VSTM4: variants seen among roughly 807,000 people sequenced by gnomAD.
VSTM4 encodes V-set and transmembrane domain-containing protein 4.
A neutral mutation model predicts 36.4 loss-of-function variants in VSTM4; 20 were observed. The ratio of observed to expected loss-of-function variants is 0.55; its 90% CI spans 0.39 to 0.80. The LOEUF is 0.80. Among genes scored for constraint, VSTM4 ranks in the 30% least tolerant of loss-of-function variants. The pLI is 0.00. For missense variants in VSTM4, 392 were observed against 404.5 expected, an observed-to-expected ratio of 0.97 and a Z score of 0.26; for synonymous variants, 182 against 173.9, an observed-to-expected ratio of 1.05 and a Z score of -0.37.
intron 7 of VSTM4, among the ~76,000 whole-genome samples, chr10:49,040,575 C>T (rs1463944254): frequency 6.6e-6 from 1 of 152,196 alleles, no homozygotes; most frequent in African/African-American, 2.4e-5. Context: ...CATGAGCCAC[C>T]ATGCCTGGCC....
intron 3 of VSTM4, among the ~76,000 whole-genome samples, chr10:49,080,492 T>C (rs1439546280): frequency 1.3e-5 from 2 of 152,246 alleles, no homozygotes; most frequent in Non-Finnish European, 2.9e-5. Context: ...CTAGTTTGAA[T>C]AGATTTCTGC....
At chr10:49,046,718 T>A (rs1343582922) in intron 7 of VSTM4, among the ~76,000 whole-genome samples, 1 of 152,228 alleles carries the variant, frequency 6.6e-6, no homozygotes, top group Non-Finnish European at 1.5e-5. Flanking sequence ...TTCTATTTTA[T>A]AAATTTCTGA....
intron 2 of VSTM4, among the ~76,000 whole-genome samples, chr10:49,092,820 C>CT (rs1385496450): frequency 6.6e-6 from 1 of 152,154 alleles, no homozygotes; most frequent in East Asian, 1.9e-4. Flanking sequence ...ACGCAAGCGG[C>CT]TTGGTAGTCC....
chr10:49,096,668 T>TGTGTGTGTGTGTGTGTGTG, intron 2 of VSTM4, among the ~76,000 whole-genome samples: 39 of 147,266 alleles, frequency 2.6e-4, no homozygotes, highest in African/African-American at 9.3e-4. Flanking sequence ...TGTGTGTGTG[T>TGTGTGTGTGTGTGTGTGTG]TTTGAGACGG....
chr10:49,078,354 T>C (rs1302842808), intron 3 of VSTM4, among the ~76,000 whole-genome samples: 1 of 152,186 alleles, frequency 6.6e-6, no homozygotes, highest in African/African-American at 2.4e-5. Context: ...TGGAAAACTG[T>C]ACATGTATGT....
intron 2 of VSTM4, among the ~76,000 whole-genome samples, chr10:49,094,932 A>G (rs960479261): frequency 2.9e-4 from 44 of 152,240 alleles, no homozygotes; most frequent in Admixed American, 2.5e-3. Flanking sequence ...ATAAAGCCAT[A>G]TATGTCAGTA....
At chr10:49,102,207 G>A (rs754761127) in intron 2 of VSTM4, 57 of 147,002 alleles carry the variant, frequency 3.9e-4, no homozygotes, top group Non-Finnish European at 6.8e-4. Context: ...GCGGGATCTT[G>A]GCTCACTGCA....
chr10:49,081,653 C>T (rs1844280501), intron 3 of VSTM4, among the ~76,000 whole-genome samples: 1 of 152,224 alleles, frequency 6.6e-6, no homozygotes, highest in Non-Finnish European at 1.5e-5. Flanking sequence ...AGGGGGCTCC[C>T]CACAGGCAGC....
chr10:49,037,556 C>T (rs1843450615), intron 7 of VSTM4, among the ~76,000 whole-genome samples: 1 of 152,224 alleles, frequency 6.6e-6, no homozygotes, highest in Non-Finnish European at 1.5e-5. Flanking sequence ...AGGTTCCCTG[C>T]TGAGGATATC....
chr10:49,046,945 C>T lies in VSTM4; in HGVS notation c.837+38G>A, dbSNP rs758668603. 3.8e-6 allele frequency: 6 copies of T among 1,597,150 alleles called. 1 individual carries two copies. In the Admixed American group the frequency reaches 1.0e-4, roughly 27 times the overall value. ...TTTGGAATCTGAGTTGTGTCTGAGG[C>T]TTAAGGTATGATAGGAATACAGAAG... is the stretch of plus-strand genomic sequence containing the variant. On this transcript the variant is annotated intron_variant, in intron 7 of 7. Coordinates refer to ENST00000332853, the MANE Select transcript of VSTM4 (RefSeq NM_001031746.5).
intron 3 of VSTM4, among the ~76,000 whole-genome samples, chr10:49,081,002 T>G (rs1020515309): frequency 6.6e-6 from 1 of 152,164 alleles, no homozygotes; most frequent in Non-Finnish European, 1.5e-5. Context: ...GGCTGCAGCA[T>G]CCATTTAAAC....
At chr10:49,062,796 C>G (rs999629490) in intron 5 of VSTM4, among the ~76,000 whole-genome samples, 4 of 152,078 alleles carry the variant, frequency 2.6e-5, no homozygotes, top group African/African-American at 4.8e-5. Context: ...TGTTTTTAGT[C>G]TATTTTCTCT....
At chr10:49,108,242 G>C (rs1014467124) in intron 1 of VSTM4, among the ~76,000 whole-genome samples, 1 of 152,226 alleles carries the variant, frequency 6.6e-6, no homozygotes, top group Non-Finnish European at 1.5e-5. Flanking sequence ...ATGACCTCCT[G>C]ACCCAGAAGT....
chr10:49,018,696 A>C lies in VSTM4; in HGVS notation c.*954T>G, dbSNP rs1326701900. 1 of 152,180 alleles carries C rather than the reference A, an allele frequency of 6.6e-6. No homozygotes were observed. The highest frequency in any genetic ancestry group is 1.5e-5 in the Non-Finnish European group (1 of 68,042). 9.4% of individuals were successfully genotyped at this position (152,180 alleles called of 1,614,324 possible). On this transcript the variant is annotated 3_prime_UTR_variant, in exon 8 of 8. Transcript: ENST00000332853. Reference sequence around the variant, plus strand: ...TTCAAACCCATTAGAATTCACACACAAGGTTGCAATGGGCAAGGCACTTGG... The same window carrying C: ...TTCAAACCCATTAGAATTCACACACCAGGTTGCAATGGGCAAGGCACTTGG...
At chr10:49,089,949 C>T (rs1391364502) in intron 2 of VSTM4, among the ~76,000 whole-genome samples, 2 of 152,250 alleles carry the variant, frequency 1.3e-5, no homozygotes, top group Non-Finnish European at 2.9e-5. Flanking sequence ...TCCACAAATA[C>T]TCTGCCCTCC....
intron 7 of VSTM4, among the ~76,000 whole-genome samples, chr10:49,035,915 G>T (rs12770669): frequency 0.11 from 17,143 of 152,164 alleles, 1,255 homozygotes; most frequent in South Asian, 0.24. Flanking sequence ...TGGAGCCCCA[G>T]TGAATTTCTA....
intron 5 of VSTM4, among the ~76,000 whole-genome samples, chr10:49,050,825 T>G (rs1415366138): frequency 6.6e-6 from 1 of 152,238 alleles, no homozygotes; most frequent in Non-Finnish European, 1.5e-5. Flanking sequence ...AACACTGTCA[T>G]AACCAAAACA....
chr10:49,063,105 G>A (rs1027519957), intron 5 of VSTM4, among the ~76,000 whole-genome samples: 2 of 151,758 alleles, frequency 1.3e-5, no homozygotes, highest in African/African-American at 4.8e-5. Context: ...TTTGGAGGAT[G>A]AGGTGGGTGG....
intron 3 of VSTM4, among the ~76,000 whole-genome samples, chr10:49,079,240 G>A (rs558350526): frequency 2.0e-5 from 3 of 152,118 alleles, no homozygotes; most frequent in East Asian, 1.9e-4. Context: ...GTCTCACTCC[G>A]TCACCCAGGC....
Sources: gnomAD v4.1 joint callset for allele counts (sites outside exome capture counted in the v4.1 genomes callset) on GRCh38, gnomAD v4.1.1 for gene constraint, MANE v1.5 for transcripts, NCBI Gene and HGNC (gene_info 2026-07-23, HGNC 2026-07-21) for gene names.